Variants in H4C5 observed in about 807,000 individuals in gnomAD.
H4C5 encodes H4 clustered histone 5.
In H4C5, 15 loss-of-function variants were observed where a neutral mutation model predicts 5.3. The observed-to-expected ratio is 2.84, with a 90% confidence interval of 1.90 to 4.37. The LOEUF is 4.37. H4C5 is among the 30% of genes most tolerant of loss of function. H4C5 has a pLI of 0.00. For synonymous variants in H4C5, 154 were observed against 56.9 expected (o/e 2.71, Z -7.68); for missense variants, 153 against 145.7 (o/e 1.05, Z -0.26).
chr6:26,204,985 G>T lies in H4C5; in HGVS notation c.*29G>T. On this transcript the variant is annotated 3_prime_UTR_variant, in exon 1 of 1. Coordinates refer to ENST00000615164, the MANE Select transcript of H4C5 (RefSeq NM_003545.4). ...TACCGCTTAAACGACTCAGCATCTCGACTTCCCAAATCAAAGGCCCTTTTC... is the reference window on the plus strand; with the variant it reads ...TACCGCTTAAACGACTCAGCATCTCTACTTCCCAAATCAAAGGCCCTTTTC... 3 of 1,578,032 alleles carry T rather than the reference G, an allele frequency of 1.9e-6. No individual in the cohort carries two copies. Among genetic ancestry groups the T allele is most frequent in the Non-Finnish European group, 2.6e-6 (3 of 1,156,050 alleles).
rs374401406 is a variant in H4C5, at chr6:26,204,985, G to A, written c.*29G>A. ...TACCGCTTAAACGACTCAGCATCTC[G>A]ACTTCCCAAATCAAAGGCCCTTTTC... On this transcript the variant is annotated 3_prime_UTR_variant, in exon 1 of 1. Transcript: ENST00000615164. 2 of 1,577,916 alleles carry A rather than the reference G, an allele frequency of 1.3e-6. No homozygotes were observed. The highest frequency in any genetic ancestry group is 1.7e-6 in the Non-Finnish European group (2 of 1,156,058).
At position 26,204,641 on chromosome 6, in the gene H4C5, G is replaced by A. The variant is rs201324703; in HGVS notation, c.-4G>A. ...TTGCGGCTATTTTCGTTGGTGTGTTGGTCATGTCTGGTCGCGGCAAAGGCG... is the reference window on the plus strand; with the variant it reads ...TTGCGGCTATTTTCGTTGGTGTGTTAGTCATGTCTGGTCGCGGCAAAGGCG... On this transcript the variant is annotated 5_prime_UTR_variant, in exon 1 of 1. Transcript: ENST00000615164. The A allele has an allele frequency of 7.0e-6, 11 of 1,571,886 alleles. No individual in the cohort carries two copies. Among genetic ancestry groups the A allele is most frequent in the African/African-American group, 2.7e-5 (2 of 73,784 alleles).
Position 26,204,871 on chromosome 6 carries a change from A to T in H4C5, c.227A>T (p.His76Leu), listed in dbSNP as rs1561985214. 1 of 1,614,194 alleles carries T rather than the reference A, an allele frequency of 6.2e-7. No individual in the cohort carries two copies. The highest frequency in any genetic ancestry group is 8.5e-7 in the Non-Finnish European group (1 of 1,180,030). ...VIRDAVTYTEHAKRKTVTAMD... is the reference protein window; with the variant it reads ...VIRDAVTYTELAKRKTVTAMD... Reference sequence around the variant, plus strand: ...CGTGATGCTGTGACTTACACGGAGCACGCCAAACGCAAGACAGTGACAGCG... The same window carrying T: ...CGTGATGCTGTGACTTACACGGAGCTCGCCAAACGCAAGACAGTGACAGCG... Residue 76 changes from histidine to leucine, a missense_variant, in exon 1 of 1, where the codon CAC (histidine) becomes CTC (leucine). Coordinates refer to ENST00000615164, the MANE Select transcript of H4C5 (RefSeq NM_003545.4).
rs766105580 is a variant in H4C5, at chr6:26,204,726, CA to C, written c.83del (p.Gln28ArgfsTer32). The part of the protein sequence containing the change: ...RHRKVLRDNI[Q>X]GITKPAIRRL... ...CCGTAAGGTCCTGCGAGATAACATCCAGGGCATTACCAAGCCTGCCATCCGG... is the reference window on the plus strand; with the variant it reads ...CCGTAAGGTCCTGCGAGATAACATCCGGGCATTACCAAGCCTGCCATCCGG... On this transcript the variant is annotated frameshift_variant, in exon 1 of 1. Coordinates refer to ENST00000615164, the MANE Select transcript of H4C5 (RefSeq NM_003545.4). LOFTEE classifies it high-confidence loss of function. The C allele has an allele frequency of 6.2e-7, 1 of 1,614,176 alleles. No individual in the cohort carries two copies. The highest frequency in any genetic ancestry group is 8.5e-7 in the Non-Finnish European group (1 of 1,180,022).
rs766416475 is a variant in H4C5, at chr6:26,204,970, A to G, written c.*14A>G. On this transcript the variant is annotated 3_prime_UTR_variant, in exon 1 of 1. Transcript: ENST00000615164. ...TTCGGCGGCTAATGCTACCGCTTAAACGACTCAGCATCTCGACTTCCCAAA... is the reference window on the plus strand; with the variant it reads ...TTCGGCGGCTAATGCTACCGCTTAAGCGACTCAGCATCTCGACTTCCCAAA... The G allele has an allele frequency of 1.0e-5, 16 of 1,591,968 alleles. No individual in the cohort carries two copies. Among genetic ancestry groups the G allele is most frequent in the African/African-American group, 1.3e-5 (1 of 74,556 alleles).
chr6:26,204,699 C>T lies in H4C5; in HGVS notation c.55C>T (p.His19Tyr). Residue 19 changes from histidine to tyrosine, a missense_variant, in exon 1 of 1, where the codon CAC becomes TAC. Physicochemically the swap from His to Tyr is moderately conservative, Grantham distance 83. Transcript: ENST00000615164. ...KGLGKGGAKR[H>Y]RKVLRDNIQG... ...ACTGGGTAAAGGAGGCGCTAAGCGT[C>T]ACCGTAAGGTCCTGCGAGATAACAT... 5.6e-6 allele frequency: 9 copies of T among 1,613,796 alleles called. No homozygotes were observed. The highest frequency in any genetic ancestry group is 7.6e-6 in the Non-Finnish European group (9 of 1,179,728).
rs1427755241 is a variant in H4C5 at position 26,204,636 on chromosome 6, G to A, written c.-9G>A. 1 of 1,578,132 alleles carries A rather than the reference G, an allele frequency of 6.3e-7. No individual in the cohort carries two copies. Among genetic ancestry groups the A allele is most frequent in the Non-Finnish European group, 8.6e-7 (1 of 1,157,020 alleles). On this transcript the variant is annotated 5_prime_UTR_variant, in exon 1 of 1. The change creates a new upstream start codon in the 5' untranslated region. Coordinates refer to ENST00000615164, the MANE Select transcript of H4C5 (RefSeq NM_003545.4). ...GATTTTTGCGGCTATTTTCGTTGGT[G>A]TGTTGGTCATGTCTGGTCGCGGCAA...
rs767328104 is a variant in H4C5 at position 26,204,906 on chromosome 6, G to A, written c.262G>A (p.Val88Ile). Residue 88 changes from valine to isoleucine, a missense_variant, in exon 1 of 1, where the codon GTC becomes ATC. Transcript: ENST00000615164. ...KRKTVTAMDV[V>I]YALKRQGRTL... ...CAAGACAGTGACAGCGATGGATGTG[G>A]TCTACGCGCTGAAGAGACAGGGACG... 1.2e-6 allele frequency: 2 copies of A among 1,613,928 alleles called. No individual in the cohort carries two copies. The highest frequency in any genetic ancestry group is 8.5e-7 in the Non-Finnish European group (1 of 1,179,792).
Position 26,204,626 on chromosome 6 carries a change from T to TA in H4C5, c.-19_-18insA, listed in dbSNP as rs1172438235. On this transcript the variant is annotated 5_prime_UTR_variant, in exon 1 of 1. Coordinates refer to ENST00000615164, the MANE Select transcript of H4C5 (RefSeq NM_003545.4). Reference sequence around the variant, plus strand: ...TTGTTTTTCAGATTTTTGCGGCTATTTTCGTTGGTGTGTTGGTCATGTCTG... The same window carrying TA: ...TTGTTTTTCAGATTTTTGCGGCTATTATTCGTTGGTGTGTTGGTCATGTCTG... 1 of 1,555,130 alleles carries TA rather than the reference T, an allele frequency of 6.4e-7. No homozygotes were observed. The highest frequency in any genetic ancestry group is 2.3e-5 in the East Asian group (1 of 44,018).
In H4C5 at chr6:26,204,659, C is replaced by T. The variant is rs753173805; in HGVS notation, c.15C>T (p.Gly5=). Reference sequence around the variant, plus strand: ...GTGTGTTGGTCATGTCTGGTCGCGGCAAAGGCGGAAAGGGACTGGGTAAAG... The same window carrying T: ...GTGTGTTGGTCATGTCTGGTCGCGGTAAAGGCGGAAAGGGACTGGGTAAAG... The part of the protein sequence containing the change: MSGR[G]KGGKGLGKGG... Residue 5 remains glycine, a synonymous_variant, in exon 1 of 1, where the codon GGC becomes GGT. Transcript: ENST00000615164. 12 of 1,596,972 alleles carry T rather than the reference C, an allele frequency of 7.5e-6. No individual in the cohort carries two copies. In the African/African-American group the frequency reaches 8.1e-5, roughly 11 times the overall value.
In H4C5 at chr6:26,204,716, A is replaced by AGAT; in HGVS notation, c.73_75dup (p.Asp25dup). On this transcript the variant is annotated inframe_insertion, in exon 1 of 1. Transcript: ENST00000615164. ...CTAAGCGTCACCGTAAGGTCCTGCG[A>AGAT]GATAACATCCAGGGCATTACCAAGC... 1 of 1,614,186 alleles carries AGAT rather than the reference A, an allele frequency of 6.2e-7. No homozygotes were observed. The highest frequency in any genetic ancestry group is 8.5e-7 in the Non-Finnish European group (1 of 1,180,020).
In H4C5 at chr6:26,204,983, T is replaced by G. The variant is rs776344922; in HGVS notation, c.*27T>G. ...GCTACCGCTTAAACGACTCAGCATC[T>G]CGACTTCCCAAATCAAAGGCCCTTT... On this transcript the variant is annotated 3_prime_UTR_variant, in exon 1 of 1. Transcript: ENST00000615164. 24 of 1,579,664 alleles carry G rather than the reference T, an allele frequency of 1.5e-5. No homozygotes were observed. Among genetic ancestry groups the G allele is most frequent in the Non-Finnish European group, 1.9e-5 (22 of 1,156,872 alleles).
chr6:26,204,911 C>G lies in H4C5; in HGVS notation c.267C>G (p.Tyr89Ter), dbSNP rs140955230. 1.2e-6 allele frequency: 2 copies of G among 1,613,304 alleles called. No homozygotes were observed. The highest frequency in any genetic ancestry group is 3.3e-5 in the Admixed American group (2 of 60,002). ...RKTVTAMDVV[Y>*]ALKRQGRTLY... ...CAGTGACAGCGATGGATGTGGTCTA[C>G]GCGCTGAAGAGACAGGGACGCACTC... The change falls in exon 1 of 1, where the codon TAC becomes TAG. Residue 89 changes from tyrosine (Y) to a stop codon, truncating the protein, a stop_gained. Coordinates refer to ENST00000615164, the MANE Select transcript of H4C5 (RefSeq NM_003545.4). LOFTEE classifies it high-confidence loss of function.
At position 26,204,773 on chromosome 6, in the gene H4C5, T is replaced by C; in HGVS notation, c.129T>C (p.Gly43=). The C allele has an allele frequency of 1.2e-6, 2 of 1,613,932 alleles. No homozygotes were observed. Among genetic ancestry groups the C allele is most frequent in the Non-Finnish European group, 1.7e-6 (2 of 1,179,978 alleles). Residue 43 remains glycine (G), a synonymous_variant, in exon 1 of 1, where the codon GGT becomes GGC. Coordinates refer to ENST00000615164, the MANE Select transcript of H4C5 (RefSeq NM_003545.4). The part of the protein sequence containing the change: ...PAIRRLARRG[G]VKRISGLIYE... Reference sequence around the variant, plus strand: ...TCCGGCGCCTTGCTCGTCGCGGGGGTGTCAAGCGCATTTCTGGTCTCATCT... The same window carrying C: ...TCCGGCGCCTTGCTCGTCGCGGGGGCGTCAAGCGCATTTCTGGTCTCATCT...
In H4C5 at chr6:26,204,795, A is replaced by G. The variant is rs756223901; in HGVS notation, c.151A>G (p.Ile51Val). 5.6e-6 allele frequency: 9 copies of G among 1,614,122 alleles called. No individual in the cohort carries two copies. Among genetic ancestry groups the G allele is most frequent in the Non-Finnish European group, 7.6e-6 (9 of 1,180,004 alleles). The change falls in exon 1 of 1, where the codon ATC becomes GTC. Residue 51 changes from isoleucine to valine, a missense_variant. Transcript: ENST00000615164. ...RGGVKRISGL[I>V]YEETRGVLKV... Reference sequence around the variant, plus strand: ...GGGTGTCAAGCGCATTTCTGGTCTCATCTACGAGGAGACTCGCGGGGTTCT... The same window carrying G: ...GGGTGTCAAGCGCATTTCTGGTCTCGTCTACGAGGAGACTCGCGGGGTTCT...
Position 26,204,900 on chromosome 6 carries a change from G to T in H4C5, c.256G>T (p.Asp86Tyr). The change falls in exon 1 of 1, where the codon GAT becomes TAT. Residue 86 changes from aspartate to tyrosine, a missense_variant. Physicochemically the swap from Asp to Tyr is radical, Grantham distance 160. Coordinates refer to ENST00000615164, the MANE Select transcript of H4C5 (RefSeq NM_003545.4). ...HAKRKTVTAM[D>Y]VVYALKRQGR... ...CAAACGCAAGACAGTGACAGCGATG[G>T]ATGTGGTCTACGCGCTGAAGAGACA... 6.2e-7 allele frequency: 1 copy of T among 1,614,104 alleles called. No individual in the cohort carries two copies. Among genetic ancestry groups the T allele is most frequent in the Non-Finnish European group, 8.5e-7 (1 of 1,179,944 alleles).
At position 26,204,998 on chromosome 6, in the gene H4C5, A is replaced by T; in HGVS notation, c.*42A>T. 3.8e-6 allele frequency: 6 copies of T among 1,563,936 alleles called. No homozygotes were observed. The highest frequency in any genetic ancestry group is 5.2e-6 in the Non-Finnish European group (6 of 1,149,628). ...ACTCAGCATCTCGACTTCCCAAATC[A>T]AAGGCCCTTTTCAGGGCCGCCCACA... On this transcript the variant is annotated 3_prime_UTR_variant, in exon 1 of 1. Coordinates refer to ENST00000615164, the MANE Select transcript of H4C5 (RefSeq NM_003545.4).
chr6:26,204,681 A>C lies in H4C5; in HGVS notation c.37A>C (p.Lys13Gln). Reference sequence around the variant, plus strand: ...CGGCAAAGGCGGAAAGGGACTGGGTAAAGGAGGCGCTAAGCGTCACCGTAA... The same window carrying C: ...CGGCAAAGGCGGAAAGGGACTGGGTCAAGGAGGCGCTAAGCGTCACCGTAA... ...GRGKGGKGLG[K>Q]GGAKRHRKVL... The change falls in exon 1 of 1, where the codon AAA becomes CAA. Residue 13 changes from lysine to glutamine, a missense_variant. By Grantham distance (53) the Lys-to-Gln change is moderately conservative. Coordinates refer to ENST00000615164, the MANE Select transcript of H4C5 (RefSeq NM_003545.4). 1 of 1,610,062 alleles carries C rather than the reference A, an allele frequency of 6.2e-7. No individual in the cohort carries two copies. The highest frequency in any genetic ancestry group is 8.5e-7 in the Non-Finnish European group (1 of 1,177,522).
Position 26,204,917 on chromosome 6 carries a change from G to C in H4C5, c.273G>C (p.Leu91=), listed in dbSNP as rs143252055. 2 of 1,613,034 alleles carry C rather than the reference G, an allele frequency of 1.2e-6. No individual in the cohort carries two copies. The highest frequency in any genetic ancestry group is 1.7e-6 in the Non-Finnish European group (2 of 1,179,172). The part of the protein sequence containing the change: ...TVTAMDVVYA[L]KRQGRTLYGF... ...CAGCGATGGATGTGGTCTACGCGCT[G>C]AAGAGACAGGGACGCACTCTTTACG... Residue 91 remains leucine, a synonymous_variant, in exon 1 of 1, where the codon CTG becomes CTC. Transcript: ENST00000615164.
Sources: gnomAD v4.1 joint callset for allele counts on GRCh38, gnomAD v4.1.1 for gene constraint, MANE v1.5 for transcripts, NCBI Gene and HGNC (gene_info 2026-07-23, HGNC 2026-07-21) for gene names.